Variants in SYT4 observed in about 807,000 individuals in gnomAD.
The protein encoded by SYT4 is synaptotagmin-4.
SYT4 carries 7 observed loss-of-function variants against 32.9 expected under a neutral mutation model. The ratio of observed to expected loss-of-function variants is 0.21; its 90% CI spans 0.12 to 0.40. The LOEUF is 0.40. Among genes scored for constraint, SYT4 ranks in the 10% least tolerant of loss-of-function variants. The pLI, the probability that SYT4 is intolerant of heterozygous loss-of-function variation, is 1.00. For missense variants in SYT4, 480 were observed against 488.0 expected, an observed-to-expected ratio of 0.98 and a Z score of 0.16; for synonymous variants, 205 against 186.2, an observed-to-expected ratio of 1.10 and a Z score of -0.82.
At position 43,269,196 on chromosome 18, in the gene SYT4, C is replaced by T. The variant is rs566193552; in HGVS notation, c.*1145G>A. 1 of 152,164 alleles carries T rather than the reference C, an allele frequency of 6.6e-6. No individual in the cohort carries two copies. Among genetic ancestry groups the T allele is most frequent in the East Asian group, 1.9e-4 (1 of 5,194 alleles). The allele number at this position is 152,164 out of a possible 1,614,324, so 9.4% of individuals were successfully genotyped here. On this transcript the variant is annotated 3_prime_UTR_variant, in exon 4 of 4. Coordinates refer to ENST00000255224, the MANE Select transcript of SYT4 (RefSeq NM_020783.4). ...TTAGCCTAGAAAAGATAGTGAAACA[C>T]ATTCTTTGTTGTGCTAATTTGACAG...
In SYT4 at chr18:43,270,624, T is replaced by C. The variant is rs747962953; in HGVS notation, c.995A>G (p.Tyr332Cys). The C allele has an allele frequency of 6.2e-7, 1 of 1,613,862 alleles. No individual in the cohort carries two copies. The highest frequency in any genetic ancestry group is 1.7e-5 in the Admixed American group (1 of 59,984). ...CTTGGAGATTCTCTTTTTGGCATGG[T>C]ACAGGTTCACTTTGACATAGGGATC... ...LSDPYVKVNL[Y>C]HAKKRISKKK... Residue 332 changes from tyrosine (Y) to cysteine (C), a missense_variant, in exon 4 of 4, where the codon TAC (tyrosine) becomes TGC (cysteine). Transcript: ENST00000255224.
Position 43,273,682 on chromosome 18 carries a change from T to C in SYT4, c.747A>G (p.Ser249=). The C allele has an allele frequency of 2.5e-6, 4 of 1,613,992 alleles. No homozygotes were observed. The highest frequency in any genetic ancestry group is 3.4e-6 in the Non-Finnish European group (4 of 1,179,900). ...HFTILSFDRF[S]RDDIIGEVLI... ...GAACTTCCCCAATGATATCATCTCTTGAAAACCTGTCAAAACTCAAAATTG... is the reference window on the plus strand; with the variant it reads ...GAACTTCCCCAATGATATCATCTCTCGAAAACCTGTCAAAACTCAAAATTG... The change falls in exon 2 of 4, where the codon TCA becomes TCG. Residue 249 remains serine (S), a synonymous_variant. Transcript: ENST00000255224.
Position 43,274,032 on chromosome 18 carries a change from A to T in SYT4, c.397T>A (p.Ser133Thr), listed in dbSNP as rs761951128. 3 of 1,613,762 alleles carry T rather than the reference A, an allele frequency of 1.9e-6. No individual in the cohort carries two copies. The highest frequency in any genetic ancestry group is 2.5e-6 in the Non-Finnish European group (3 of 1,179,888). ...GACTTTAAACTCTCAGGGGAAACTG[A>T]CTCTTTTTCCCCTTCTAAAAAGAGC... ...PKLFLEGEKE[S>T]VSPESLKSST... The change falls in exon 2 of 4, where the codon TCA (serine) becomes ACA (threonine). Residue 133 changes from serine to threonine, a missense_variant. By Grantham distance (58) the Ser-to-Thr change is moderately conservative. Transcript: ENST00000255224.
At chr18:43,273,363 A>G (rs557670568) in intron 2 of SYT4, among the ~76,000 whole-genome samples, 1 of 152,188 alleles carries the variant, frequency 6.6e-6, no homozygotes, top group Non-Finnish European at 1.5e-5. Context: ...ATGCCTATTT[A>G]TTTTACATCA....
chr18:43,271,910 A>G (rs1908642419), intron 2 of SYT4, 78 bp from the exon 3 acceptor site: 17 of 1,397,906 alleles, frequency 1.2e-5, no homozygotes, highest in Non-Finnish European at 1.6e-5. Context: ...AGTTTAAATA[A>G]CATCGTCATT....
Position 43,273,595 on chromosome 18 carries a change from G to A in SYT4, c.834C>T (p.Ile278=). Residue 278 remains isoleucine, a synonymous_variant, in exon 2 of 4, where the codon ATC becomes ATT. Transcript: ENST00000255224. ...EGKMLMNREI[I]KRNVRKSSGR... Reference sequence around the variant, plus strand: ...AATAAATTACCCTAACATTTCTCTTGATGATCTCTCTATTCATTAACATTT... The same window carrying A: ...AATAAATTACCCTAACATTTCTCTTAATGATCTCTCTATTCATTAACATTT... 1 of 1,604,638 alleles carries A rather than the reference G, an allele frequency of 6.2e-7. No homozygotes were observed. Among genetic ancestry groups the A allele is most frequent in the South Asian group, 1.1e-5 (1 of 89,840 alleles).
Position 43,273,678 on chromosome 18 carries a change from C to A in SYT4, c.751G>T (p.Asp251Tyr). 1 of 1,613,946 alleles carries A rather than the reference C, an allele frequency of 6.2e-7. No individual in the cohort carries two copies. The highest frequency in any genetic ancestry group is 8.5e-7 in the Non-Finnish European group (1 of 1,179,884). The change falls in exon 2 of 4, where the codon GAT becomes TAT. Residue 251 changes from aspartate to tyrosine, a missense_variant. Transcript: ENST00000255224. ...TILSFDRFSR[D>Y]DIIGEVLIPL... Reference sequence around the variant, plus strand: ...ATTAGAACTTCCCCAATGATATCATCTCTTGAAAACCTGTCAAAACTCAAA... The same window carrying A: ...ATTAGAACTTCCCCAATGATATCATATCTTGAAAACCTGTCAAAACTCAAA...
intron 2 of SYT4, 170 bp from the exon 3 acceptor site, chr18:43,272,002 G>A (rs1036810780): frequency 1.1e-5 from 7 of 624,188 alleles, no homozygotes; most frequent in African/African-American, 1.9e-5. Flanking sequence ...TACCATCGCT[G>A]CTTGAAAAAC....
At position 43,273,700 on chromosome 18, in the gene SYT4, C is replaced by T; in HGVS notation, c.729G>A (p.Leu243=). ...CATCTCTTGAAAACCTGTCAAAACTCAAAATTGTGAAGTGCAAGGCCAATT... is the reference window on the plus strand; with the variant it reads ...CATCTCTTGAAAACCTGTCAAAACTTAAAATTGTGAAGTGCAAGGCCAATT... The part of the protein sequence containing the change: ...IQELALHFTI[L]SFDRFSRDDI... The change falls in exon 2 of 4, where the codon TTG becomes TTA. Residue 243 remains leucine, a synonymous_variant. Transcript: ENST00000255224. The T allele has an allele frequency of 6.2e-7, 1 of 1,613,926 alleles. No homozygotes were observed. The highest frequency in any genetic ancestry group is 8.5e-7 in the Non-Finnish European group (1 of 1,179,894).
Position 43,269,014 on chromosome 18 carries a change from AAT to A in SYT4, c.*1325_*1326del, listed in dbSNP as rs1908542822. On this transcript the variant is annotated 3_prime_UTR_variant, in exon 4 of 4. Coordinates refer to ENST00000255224, the MANE Select transcript of SYT4 (RefSeq NM_020783.4). Reference sequence around the variant, plus strand: ...CCACTCATACTTCTCTAAGAACTCAAATATAGTGACATTACTCTCAAGCTAAT... The same window carrying A: ...CCACTCATACTTCTCTAAGAACTCAAATAGTGACATTACTCTCAAGCTAAT... 6.6e-6 allele frequency: 1 copy of A among 152,272 alleles called. No individual in the cohort carries two copies. Among genetic ancestry groups the A allele is most frequent in the Non-Finnish European group, 1.5e-5 (1 of 68,036 alleles). 9.4% of individuals were successfully genotyped at this position (152,272 alleles called of 1,614,324 possible).
chr18:43,271,869 T>C, intron 2 of SYT4, 37 bp from the exon 3 acceptor site: 1 of 1,595,010 alleles, frequency 6.3e-7, no homozygotes, highest in Non-Finnish European at 8.5e-7. Flanking sequence ...TATTTCTATC[T>C]TTTTAACTTT....
chr18:43,270,828 T>A (rs946624063), intron 3 of SYT4, among the ~76,000 whole-genome samples, 180 bp from the exon 4 acceptor site: 4 of 151,092 alleles, frequency 2.6e-5, no homozygotes, highest in Non-Finnish European at 4.4e-5. Flanking sequence ...GAATTGAAAA[T>A]AAGGAAGAAT....
rs1908515140 is a variant in SYT4 at position 43,268,271 on chromosome 18, C to G, written c.*2070G>C. 1 of 152,540 alleles carries G rather than the reference C, an allele frequency of 6.6e-6. No homozygotes were observed. Among genetic ancestry groups the G allele is most frequent in the African/African-American group, 2.4e-5 (1 of 41,436 alleles). 9.4% of individuals were successfully genotyped at this position (152,540 alleles called of 1,614,324 possible). A position where few individuals can be genotyped will look rare whatever the true frequency, so the allele number is the denominator to read the frequency against. ...TCAATTCCTTTGTTGTTTCTTTTCTCTTTTCTGAAAACCAGTTGCAAATAG... is the reference window on the plus strand; with the variant it reads ...TCAATTCCTTTGTTGTTTCTTTTCTGTTTTCTGAAAACCAGTTGCAAATAG... On this transcript the variant is annotated 3_prime_UTR_variant, in exon 4 of 4. Coordinates refer to ENST00000255224, the MANE Select transcript of SYT4 (RefSeq NM_020783.4).
At position 43,274,968 on chromosome 18, in the gene SYT4, T is replaced by C. The variant is rs180804313; in HGVS notation, c.35-574A>G. On this transcript the variant is annotated intron_variant, in intron 1 of 3. Transcript: ENST00000255224. ...AACAGTGGTAAAAGAAATATACATA[T>C]ATTAGAGAAAGTAAAACAAAAACAG... Among the ~76,000 whole-genome samples the C allele has an allele frequency of 2.3e-3, 354 of 152,234 alleles. 4 individuals carry two copies. In the South Asian group the frequency reaches 0.039, roughly 17 times the overall value.
chr18:43,276,584 C>A (rs1396629654), intron 1 of SYT4, among the ~76,000 whole-genome samples: 1 of 152,142 alleles, frequency 6.6e-6, no homozygotes, highest in African/African-American at 2.4e-5. Context: ...TTTCCAGCAG[C>A]TTTTAGCTAA....
Position 43,274,248 on chromosome 18 carries a change from C to T in SYT4, c.181G>A (p.Asp61Asn), listed in dbSNP as rs368892366. ...YKFVHVLKGV[D>N]IYPENLNSKK... ...CTATTTAGGTTTTCAGGGTAAATAT[C>T]AACTCCCTTAAGCACATGCACAAAC... The change falls in exon 2 of 4, where the codon GAT becomes AAT. Residue 61 changes from aspartate to asparagine, a missense_variant. Coordinates refer to ENST00000255224, the MANE Select transcript of SYT4 (RefSeq NM_020783.4). 26 of 1,613,816 alleles carry T rather than the reference C, an allele frequency of 1.6e-5. No individual in the cohort carries two copies. The highest frequency in any genetic ancestry group is 2.2e-5 in the East Asian group (1 of 44,836).
chr18:43,276,693 A>T (rs1598665826), intron 1 of SYT4, among the ~76,000 whole-genome samples: 1 of 152,108 alleles, frequency 6.6e-6, no homozygotes, highest in African/African-American at 2.4e-5. Context: ...ACTCTCTTTA[A>T]CCCTGCTACC....
intron 1 of SYT4, among the ~76,000 whole-genome samples, chr18:43,275,597 C>T (rs1209570555): frequency 1.3e-5 from 2 of 152,168 alleles, no homozygotes; most frequent in East Asian, 1.9e-4. Context: ...TGTTACTTCC[C>T]TTCCCCATCC....
rs1276120980 is a variant in SYT4, at chr18:43,274,077, G to T, written c.352C>A (p.Leu118Met). Residue 118 changes from leucine to methionine, a missense_variant, in exon 2 of 4, where the codon CTG (leucine) becomes ATG (methionine). Transcript: ENST00000255224. ...TNLKPGSPSDLENATPKLFLE... is the reference protein window; with the variant it reads ...TNLKPGSPSDMENATPKLFLE... ...AAGAGCTTCGGGGTTGCATTCTCCA[G>T]ATCAGAAGGACTGCCAGGTTTGAGG... is the stretch of plus-strand genomic sequence containing the variant. The T allele has an allele frequency of 6.2e-7, 1 of 1,613,926 alleles. No homozygotes were observed. Among genetic ancestry groups the T allele is most frequent in the Non-Finnish European group, 8.5e-7 (1 of 1,179,958 alleles).
Sources: gnomAD v4.1 joint callset for allele counts (sites outside exome capture counted in the v4.1 genomes callset) on GRCh38, gnomAD v4.1.1 for gene constraint, MANE v1.5 for transcripts, NCBI Gene and HGNC (gene_info 2026-07-23, HGNC 2026-07-21) for gene names.